The following GRM8 variants were observed in gnomAD, a reference collection of about 807,000 sequenced individuals.
GRM8 encodes the protein metabotropic glutamate receptor 8.
Under a neutral mutation model 87.2 loss-of-function variants are expected in GRM8, and 47 were observed. That is an observed-to-expected ratio of 0.54 (90% CI 0.43 to 0.69). The LOEUF (loss-of-function observed/expected upper bound fraction) is 0.69. Ranked by LOEUF, GRM8 falls within the 30% of genes least tolerant of loss-of-function variation. The pLI is 0.00. For missense variants in GRM8, 1,019 were observed against 1,139.2 expected (o/e 0.89, Z 1.52); for synonymous variants, 396 against 404.5 (o/e 0.98, Z 0.25).
chr7:126,586,858 C>T (rs1796184732), intron 8 of GRM8, among the ~76,000 whole-genome samples: 1 of 152,062 alleles, frequency 6.6e-6, no homozygotes, highest in Non-Finnish European at 1.5e-5. Flanking sequence ...AGGGCTTCTG[C>T]ACAGCAAAAG....
At chr7:126,715,808 G>A (rs1424678962) in intron 7 of GRM8, among the ~76,000 whole-genome samples, 2 of 152,132 alleles carry the variant, frequency 1.3e-5, no homozygotes, top group Non-Finnish European at 2.9e-5. Flanking sequence ...TTTGTAGGCT[G>A]AGGTAACCTT....
intron 9 of GRM8, among the ~76,000 whole-genome samples, chr7:126,525,888 C>A (rs929655999): frequency 3.3e-5 from 5 of 152,034 alleles, no homozygotes; most frequent in Non-Finnish European, 7.4e-5. Flanking sequence ...GATTAAATTT[C>A]TTTTTACATA....
chr7:126,632,835 G>A (rs1285787946), intron 7 of GRM8, among the ~76,000 whole-genome samples: 1 of 152,058 alleles, frequency 6.6e-6, no homozygotes, highest in Non-Finnish European at 1.5e-5. Context: ...TGAATGATGG[G>A]CACCTATGGA....
intron 3 of GRM8, among the ~76,000 whole-genome samples, chr7:126,920,405 A>G (rs1487783996): frequency 1.3e-5 from 2 of 152,208 alleles, no homozygotes; most frequent in African/African-American, 4.8e-5. Flanking sequence ...AGAGGAGAGA[A>G]ATGTCACCAA....
intron 6 of GRM8, among the ~76,000 whole-genome samples, chr7:126,796,634 G>A (rs937676672): frequency 1.3e-5 from 2 of 152,032 alleles, no homozygotes; most frequent in African/African-American, 4.8e-5. Context: ...AGCACAAGAT[G>A]CCACCTCATT....
chr7:127,143,135 T>C (rs1357642744), intron 2 of GRM8, among the ~76,000 whole-genome samples: 1 of 152,146 alleles, frequency 6.6e-6, no homozygotes, highest in African/African-American at 2.4e-5. Flanking sequence ...CTCTCTTTGC[T>C]CTGTTTTGCA....
intron 3 of GRM8, among the ~76,000 whole-genome samples, chr7:126,973,344 A>G (rs1323084391): frequency 6.6e-6 from 1 of 152,228 alleles, no homozygotes; most frequent in African/African-American, 2.4e-5. Context: ...ACCTGGGCTC[A>G]TGTACTTGCT....
chr7:126,859,601 A>G (rs1195885534), intron 6 of GRM8, among the ~76,000 whole-genome samples: 1 of 152,240 alleles, frequency 6.6e-6, no homozygotes, highest in Non-Finnish European at 1.5e-5. Flanking sequence ...GTGCATGCTA[A>G]TATTTCAGAG....
At chr7:127,097,382 G>C (rs979173437) in intron 3 of GRM8, among the ~76,000 whole-genome samples, 3 of 152,144 alleles carry the variant, frequency 2.0e-5, no homozygotes, top group African/African-American at 7.2e-5. Flanking sequence ...TGGGTGGATG[G>C]CATTGAGAAC....
chr7:126,811,457 A>C (rs753055041), intron 6 of GRM8, among the ~76,000 whole-genome samples: 1 of 151,910 alleles, frequency 6.6e-6, no homozygotes, highest in African/African-American at 2.4e-5. Context: ...TTTGGGTAGT[A>C]TGGTCATTTT....
chr7:127,117,994 A>AAGTT (rs1826803635), intron 2 of GRM8, among the ~76,000 whole-genome samples: 1 of 152,250 alleles, frequency 6.6e-6, no homozygotes, highest in Non-Finnish European at 1.5e-5. Flanking sequence ...TTATGCAAGT[A>AAGTT]AGTTTCCTGG....
intron 3 of GRM8, among the ~76,000 whole-genome samples, chr7:127,099,971 A>T (rs1272689789): frequency 6.6e-6 from 1 of 152,122 alleles, no homozygotes; most frequent in Non-Finnish European, 1.5e-5. Flanking sequence ...AGATAAACAC[A>T]AGAAGATGGT....
chr7:126,816,307 A>G (rs1400042489), intron 6 of GRM8, among the ~76,000 whole-genome samples: 4 of 152,134 alleles, frequency 2.6e-5, no homozygotes, highest in Non-Finnish European at 5.9e-5. Context: ...CCTCCTGCCT[A>G]TCTCTGAATC....
At position 126,537,709 on chromosome 7, in the gene GRM8, G is replaced by A. The variant is rs567142463; in HGVS notation, c.1495-3822C>T. Among the ~76,000 whole-genome samples, 386 of 152,040 alleles carry A rather than the reference G, an allele frequency of 2.5e-3. 1 individual carries two copies. The highest frequency in any genetic ancestry group is 8.8e-3 in the African/African-American group (366 of 41,482). On this transcript the variant is annotated intron_variant, in intron 8 of 10. Transcript: ENST00000339582. Reference sequence around the variant, plus strand: ...GGAGAATGCTGTGAACCCGGGAGGCGGAGCTTGCAGTAAGCCGAGATCACG... The same window carrying A: ...GGAGAATGCTGTGAACCCGGGAGGCAGAGCTTGCAGTAAGCCGAGATCACG...
intron 2 of GRM8, among the ~76,000 whole-genome samples, chr7:127,107,177 T>G (rs1456002084): frequency 6.6e-6 from 1 of 152,218 alleles, no homozygotes; most frequent in Admixed American, 6.5e-5. Context: ...TTTTTATACT[T>G]GATACCATTT....
intron 7 of GRM8, chr7:126,701,772 TGAA>T (rs752802213): frequency 7.8e-7 from 1 of 1,274,732 alleles, no homozygotes; most frequent in South Asian, 1.2e-5. Flanking sequence ...TACTGGAAAA[TGAA>T]GGAGTAAAAA....
chr7:126,521,159 T>A, intron 9 of GRM8, among the ~76,000 whole-genome samples: 1 of 152,162 alleles, frequency 6.6e-6, no homozygotes, highest in East Asian at 1.9e-4. Context: ...TCTGAGAACA[T>A]GAAATCTTCT....
At chr7:126,525,378 C>G (rs573700448) in intron 9 of GRM8, among the ~76,000 whole-genome samples, 27 of 152,286 alleles carry the variant, frequency 1.8e-4, no homozygotes, top group South Asian at 1.7e-3. Context: ...CTTATAGGTA[C>G]AGAAGTCCTC....
chr7:126,945,276 T>C (rs1223432098), intron 3 of GRM8, among the ~76,000 whole-genome samples: 1 of 152,236 alleles, frequency 6.6e-6, no homozygotes, highest in Non-Finnish European at 1.5e-5. Context: ...TTTATTTCTT[T>C]ATAAAAGGAA....
Sources: allele counts gnomAD v4.1 joint callset (sites outside exome capture counted in the v4.1 genomes callset), GRCh38; gene constraint gnomAD v4.1.1; transcripts MANE v1.5; gene names NCBI Gene and HGNC (gene_info 2026-07-23, HGNC 2026-07-21).